The following RERE variants were observed in gnomAD, a reference collection of about 807,000 sequenced individuals.
RERE encodes arginine-glutamic acid dipeptide repeats.
Under a neutral mutation model 146.1 loss-of-function variants are expected in RERE, and 40 were observed. The observed-to-expected ratio is 0.27, with a 90% CI of 0.21 to 0.36. The LOEUF (loss-of-function observed/expected upper bound fraction) is 0.36. RERE is among the 10% of genes least tolerant of loss of function. The pLI is 1.00. For missense variants in RERE, 1,933 were observed against 2,138.7 expected, an observed-to-expected ratio of 0.90 and a Z score of 1.90; for synonymous variants, 1,003 against 866.0, an observed-to-expected ratio of 1.16 and a Z score of -2.78.
chr1:8,528,714 TC>T (rs1163652659), intron 7 of RERE, among the ~76,000 whole-genome samples: 1 of 151,742 alleles, frequency 6.6e-6, no homozygotes, highest in Non-Finnish European at 1.5e-5. Context: ...AAATTCCCCC[TC>T]CCCCACCAAA....
In RERE at chr1:8,607,530, A is replaced by ATATTTTTTTT. The variant is rs1646732034; in HGVS notation, c.522+7030_522+7031insAAAAAAAATA. On this transcript the variant is annotated intron_variant, in intron 4 of 22. Transcript: ENST00000400908. The stretch of plus-strand genomic sequence containing the variant: ...GCCCCGCATATTTGTTTTTATATAT[A>ATATTTTTTTT]TTTCTTTTTTTTTTTTTTTTTTTTT... Among the ~76,000 whole-genome samples the ATATTTTTTTT allele has an allele frequency of 5.2e-5, 3 of 57,598 alleles. No individual in the cohort carries two copies. The East Asian group carries it at 2.9e-3, about 55-fold the overall frequency. 37.8% of individuals were successfully genotyped at this position (57,598 alleles called of 152,430 possible).
chr1:8,754,885 A>ATACTATACACAAGTGTAT (rs1640606892), intron 1 of RERE, among the ~76,000 whole-genome samples: 2 of 152,232 alleles, frequency 1.3e-5, no homozygotes, highest in African/African-American at 2.4e-5. Flanking sequence ...GTACATGTTT[A>ATACTATACACAAGTGTAT]ACTGGCACTT....
In RERE at chr1:8,354,924, A is replaced by G. The variant is rs1641227884; in HGVS notation, c.*163T>C. The G allele has an allele frequency of 1.6e-6, 1 of 632,028 alleles. No individual in the cohort carries two copies. The highest frequency in any genetic ancestry group is 2.8e-5 in the East Asian group (1 of 35,896). 39.2% of individuals were successfully genotyped at this position (632,028 alleles called of 1,614,324 possible). A position where few individuals can be genotyped will look rare whatever the true frequency, so the allele number is the denominator to read the frequency against. Reference sequence around the variant, plus strand: ...TCTCAGGAAATCCTCTCGACAAACGAACACTACTATGTGGATACATTTTTA... The same window carrying G: ...TCTCAGGAAATCCTCTCGACAAACGGACACTACTATGTGGATACATTTTTA... On this transcript the variant is annotated 3_prime_UTR_variant, in exon 23 of 23. Transcript: ENST00000400908.
At chr1:8,631,054 T>A (rs1443630256) in intron 2 of RERE, among the ~76,000 whole-genome samples, 1 of 152,236 alleles carries the variant, frequency 6.6e-6, no homozygotes, top group African/African-American at 2.4e-5. Flanking sequence ...TCTGTCTTTA[T>A]CCTCATTGCT....
At chr1:8,580,609 T>G (rs1405632929) in intron 4 of RERE, among the ~76,000 whole-genome samples, 1 of 152,222 alleles carries the variant, frequency 6.6e-6, no homozygotes, top group Non-Finnish European at 1.5e-5. Context: ...ATTTAGTTTT[T>G]ATAAAGGCTC....
At chr1:8,566,541 C>T (rs1254413981) in intron 4 of RERE, among the ~76,000 whole-genome samples, 1 of 151,970 alleles carries the variant, frequency 6.6e-6, no homozygotes, top group Non-Finnish European at 1.5e-5. Context: ...ATTGCTTGAA[C>T]CCAGGAGGCG....
intron 10 of RERE, among the ~76,000 whole-genome samples, chr1:8,481,825 C>CT (rs1291804839): frequency 6.6e-6 from 1 of 152,120 alleles, no homozygotes; most frequent in Non-Finnish European, 1.5e-5. Context: ...CAACACAGGA[C>CT]TAAAAAGAAT....
chr1:8,792,978 G>GA (rs1041112723), intron 1 of RERE, among the ~76,000 whole-genome samples: 1 of 151,888 alleles, frequency 6.6e-6, no homozygotes, highest in African/African-American at 2.4e-5. Flanking sequence ...CCAACACGGT[G>GA]AAACCCCGTT....
At chr1:8,593,567 T>C (rs539081352) in intron 4 of RERE, among the ~76,000 whole-genome samples, 2 of 152,352 alleles carry the variant, frequency 1.3e-5, no homozygotes, top group South Asian at 4.1e-4. Context: ...ATTAAACCTC[T>C]TTCCTTTATA....
intron 11 of RERE, chr1:8,465,703 G>A (rs1372433511): frequency 3.2e-6 from 2 of 630,144 alleles, no homozygotes; most frequent in African/African-American, 1.8e-5. Context: ...CATGAAAGTT[G>A]GACAATCTTT....
At chr1:8,660,851 T>C (rs1638439825) in intron 1 of RERE, among the ~76,000 whole-genome samples, 1 of 152,126 alleles carries the variant, frequency 6.6e-6, no homozygotes, top group African/African-American at 2.4e-5. Context: ...AGGAAGAAAA[T>C]CTAATGTAGA....
intron 2 of RERE, among the ~76,000 whole-genome samples, chr1:8,635,825 T>C (rs546540657): frequency 2.6e-5 from 4 of 151,758 alleles, no homozygotes; most frequent in Admixed American, 1.3e-4. Flanking sequence ...GCACCACTAA[T>C]GTGCCACGTA....
At chr1:8,761,753 T>G (rs537390752) in intron 1 of RERE, among the ~76,000 whole-genome samples, 9 of 152,010 alleles carry the variant, frequency 5.9e-5, no homozygotes, top group Non-Finnish European at 1.2e-4. Flanking sequence ...CTCCCCCGTC[T>G]CTACTAAAAA....
In RERE at chr1:8,364,519, C is replaced by T. The variant is rs1367794454; in HGVS notation, c.1540+227G>A. 6.6e-6 allele frequency among the ~76,000 whole-genome samples: 1 copy of T among 152,150 alleles called. No individual in the cohort carries two copies. The highest frequency in any genetic ancestry group is 1.5e-5 in the Non-Finnish European group (1 of 68,016). ...CCTGGGAACTACAGTGTCAACCCCC[C>T]AATCCCACTCAATCTGTCCTGCCTA... On this transcript the variant is annotated intron_variant, in intron 14 of 22. Transcript: ENST00000400908. This position sits in a 1 kb window ranked among gnomAD's most constrained non-coding sequence, Gnocchi z 5.1.
At chr1:8,513,460 C>G (rs921143263) in intron 7 of RERE, among the ~76,000 whole-genome samples, 1 of 152,146 alleles carries the variant, frequency 6.6e-6, no homozygotes. Context: ...CAGCCTAACA[C>G]AGTGATGTAA....
In RERE at chr1:8,364,808, A is replaced by C. The variant is rs748034752; in HGVS notation, c.1478T>G (p.Phe493Cys). ...LDLSSASEDD[F>C]DSEDSEQELK... ...CTCCTGCTCACTGTCCTCACTGTCG[A>C]AGTCATCTTCACTGGCTGAACTTAG... is the stretch of plus-strand genomic sequence containing the variant. The change falls in exon 14 of 23, where the codon TTC (phenylalanine) becomes TGC (cysteine). Residue 493 changes from phenylalanine to cysteine, a missense_variant. Physicochemically the swap from Phe to Cys is radical, Grantham distance 205 (BLOSUM62 -2). Transcript: ENST00000400908. This position sits in a 1 kb window ranked among gnomAD's most constrained non-coding sequence, Gnocchi z 5.1. The C allele has an allele frequency of 6.2e-7, 1 of 1,612,274 alleles. No individual in the cohort carries two copies. Among genetic ancestry groups the C allele is most frequent in the Non-Finnish European group, 8.5e-7 (1 of 1,179,190 alleles).
chr1:8,534,819 G>C (rs576483971), intron 7 of RERE, among the ~76,000 whole-genome samples: 31 of 152,346 alleles, frequency 2.0e-4, no homozygotes, highest in African/African-American at 6.7e-4. Flanking sequence ...CCAGCAACTG[G>C]TCAAAGTGAA....
At chr1:8,704,960 T>A (rs1000866621) in intron 1 of RERE, among the ~76,000 whole-genome samples, 1 of 152,232 alleles carries the variant, frequency 6.6e-6, no homozygotes, top group African/African-American at 2.4e-5. Flanking sequence ...GAAAATCTGC[T>A]TCATATCCAA....
chr1:8,785,626 A>T (rs1641245632), intron 1 of RERE, among the ~76,000 whole-genome samples: 1 of 152,058 alleles, frequency 6.6e-6, no homozygotes, highest in African/African-American at 2.4e-5. Context: ...ATTTGCCTTG[A>T]GCTGCTTTTT....
Sources: gnomAD v4.1 joint callset for allele counts (sites outside exome capture counted in the v4.1 genomes callset) on GRCh38, gnomAD v4.1.1 for gene constraint, Gnocchi (gnomAD v3.1) non-coding constraint, MANE v1.5 for transcripts, NCBI Gene and HGNC (gene_info 2026-07-23, HGNC 2026-07-21) for gene names.